The following MYO3B variants were observed in gnomAD, a reference collection of about 807,000 sequenced individuals.
The protein encoded by MYO3B is myosin IIIB, also known as myosin-IIIb.
A neutral mutation model predicts 174.6 loss-of-function variants in MYO3B; 156 were observed. The observed-to-expected ratio is 0.89, with a 90% CI of 0.78 to 1.02. The LOEUF is 1.02. MYO3B is among the 50% of genes least tolerant of loss of function. MYO3B has a pLI of 0.00. For synonymous variants in MYO3B, 563 were observed against 569.1 expected, an observed-to-expected ratio of 0.99 and a Z score of 0.15; for missense variants, 1,632 against 1,639.4, an observed-to-expected ratio of 1.00 and a Z score of 0.08.
chr2:170,486,035 T>G (rs1354988384), intron 25 of MYO3B, among the ~76,000 whole-genome samples: 1 of 144,816 alleles, frequency 6.9e-6, no homozygotes, highest in East Asian at 2.0e-4. Context: ...AAGAGAGAAT[T>G]TGCATTTCTA....
At chr2:170,365,025 G>A (rs1438500772) in intron 8 of MYO3B, among the ~76,000 whole-genome samples, 2 of 152,134 alleles carry the variant, frequency 1.3e-5, no homozygotes, top group African/African-American at 4.8e-5. Flanking sequence ...TACTCCCCCA[G>A]TTTAGTTCAA....
chr2:170,304,455 C>CTTTTTTTTTT (rs2093686589), intron 7 of MYO3B, among the ~76,000 whole-genome samples: 1 of 146,764 alleles, frequency 6.8e-6, no homozygotes, highest in African/African-American at 2.5e-5. Context: ...ATTTTTTTTT[C>CTTTTTTTTTT]TTTTTTCTTT....
chr2:170,230,928 C>T (rs2093009098), intron 6 of MYO3B, among the ~76,000 whole-genome samples: 1 of 152,132 alleles, frequency 6.6e-6, no homozygotes, highest in Non-Finnish European at 1.5e-5. Context: ...GAGAGGGTGG[C>T]AAAACCAAAA....
chr2:170,557,341 G>A (rs1387662556), intron 32 of MYO3B, among the ~76,000 whole-genome samples: 4 of 151,640 alleles, frequency 2.6e-5, no homozygotes, highest in African/African-American at 7.3e-5. Context: ...GGGTTTCACT[G>A]TGTTAGCCAG....
At chr2:170,459,948 C>T (rs35456883) in intron 23 of MYO3B, among the ~76,000 whole-genome samples, 39,496 of 151,986 alleles carry the variant, frequency 0.26, 5,445 homozygotes, top group African/African-American at 0.36. Context: ...TGCCCCCACC[C>T]GGAACTCATG....
chr2:170,451,016 C>T (rs1439255814), intron 23 of MYO3B, among the ~76,000 whole-genome samples: 5 of 152,194 alleles, frequency 3.3e-5, no homozygotes, highest in African/African-American at 1.2e-4. Flanking sequence ...TCAATTTTGT[C>T]CCTTTACTCT....
intron 22 of MYO3B, among the ~76,000 whole-genome samples, chr2:170,429,974 T>G (rs2094695525): frequency 6.6e-6 from 1 of 151,388 alleles, no homozygotes; most frequent in Non-Finnish European, 1.5e-5. Flanking sequence ...TCTTGAACAA[T>G]GTTGGTTTGA....
intron 30 of MYO3B, among the ~76,000 whole-genome samples, chr2:170,537,810 G>C (rs528552547): frequency 6.6e-6 from 1 of 152,242 alleles, no homozygotes; most frequent in East Asian, 1.9e-4. Context: ...TGGCTATGCT[G>C]ATTGCCTTTC....
At chr2:170,652,685 A>G (rs2105512114) in intron 34 of MYO3B, among the ~76,000 whole-genome samples, 1 of 152,342 alleles carries the variant, frequency 6.6e-6, no homozygotes, top group Middle Eastern at 3.4e-3. Flanking sequence ...TCTCATCTAG[A>G]GGGAACCAGA....
In MYO3B at chr2:170,653,282, C is replaced by G. The variant is rs970511890; in HGVS notation, c.*161C>G. On this transcript the variant is annotated 3_prime_UTR_variant, in exon 35 of 35. Coordinates refer to ENST00000408978, the MANE Select transcript of MYO3B (RefSeq NM_138995.5). ...ACTTGCAGATTCCAAAACATCTTAT[C>G]CTATCCTCTACCACTCTCCCACATG... The G allele has an allele frequency of 8.9e-5, 71 of 796,154 alleles. No homozygotes were observed. Among genetic ancestry groups the G allele is most frequent in the Non-Finnish European group, 1.4e-4 (68 of 498,384 alleles). 49.3% of individuals were successfully genotyped at this position (796,154 alleles called of 1,614,324 possible).
chr2:170,631,368 T>C (rs145368656), intron 32 of MYO3B, among the ~76,000 whole-genome samples: 21,289 of 147,940 alleles, frequency 0.14, 1,990 homozygotes, highest in East Asian at 0.44. Context: ...TAAAAAGAAA[T>C]GAACAAAGCC....
chr2:170,589,634 A>C, intron 32 of MYO3B, among the ~76,000 whole-genome samples: 1 of 152,224 alleles, frequency 6.6e-6, no homozygotes. Flanking sequence ...ACAGCTGCAC[A>C]ATGTGTTTAT....
Position 170,424,626 on chromosome 2 carries a change from G to A in MYO3B, c.2650+16782G>A, listed in dbSNP as rs988537487. Among the ~76,000 whole-genome samples, 4 of 152,138 alleles carry A rather than the reference G, an allele frequency of 2.6e-5. No individual in the cohort carries two copies. The East Asian group carries it at 7.7e-4, about 29-fold the overall frequency. Reference sequence around the variant, plus strand: ...TCCGCCTCAAAAAAAAAGAGAAAAAGAAAAACTAAAACAAACTTTAATAAT... The same window carrying A: ...TCCGCCTCAAAAAAAAAGAGAAAAAAAAAAACTAAAACAAACTTTAATAAT... On this transcript the variant is annotated intron_variant, in intron 22 of 34. Coordinates refer to ENST00000408978, the MANE Select transcript of MYO3B (RefSeq NM_138995.5).
chr2:170,436,011 C>T lies in MYO3B; in HGVS notation c.2651-7956C>T, dbSNP rs371146910. Among the ~76,000 whole-genome samples the T allele has an allele frequency of 2.1e-4, 32 of 152,344 alleles. 1 individual carries two copies. The highest frequency in any genetic ancestry group is 7.7e-4 in the African/African-American group (32 of 41,578). On this transcript the variant is annotated intron_variant, in intron 22 of 34. Transcript: ENST00000408978. ...AATTGCCGTCTTTTAAAAGTTCCAG[C>T]TCTGTCTTCAGACCACTTGTGTCTT...
rs191344977 is a variant in MYO3B, at chr2:170,201,261, C to T, written c.321+977C>T. Among the ~76,000 whole-genome samples, 112 of 152,326 alleles carry T rather than the reference C, an allele frequency of 7.4e-4. 2 individuals carry two copies. Among genetic ancestry groups the T allele is most frequent in the Non-Finnish European group, 1.4e-3 (92 of 68,030 alleles). On this transcript the variant is annotated intron_variant, in intron 3 of 34. Coordinates refer to ENST00000408978, the MANE Select transcript of MYO3B (RefSeq NM_138995.5). ...CAGTATATGAATTAATATATTAGGA[C>T]AGGTCTATCGCCACATTCTCACTAG...
At position 170,577,539 on chromosome 2, in the gene MYO3B, A is replaced by G. The variant is rs1396436240; in HGVS notation, c.3733+33551A>G. ...ATCTGTTTCTTCCATCTCTGGACTT[A>G]CGAATAAACTCTAGTAATTTGTGAC... is the stretch of plus-strand genomic sequence containing the variant. On this transcript the variant is annotated intron_variant, in intron 32 of 34. Coordinates refer to ENST00000408978, the MANE Select transcript of MYO3B (RefSeq NM_138995.5). 5.9e-5 allele frequency among the ~76,000 whole-genome samples: 9 copies of G among 152,230 alleles called. No individual in the cohort carries two copies. The South Asian group carries it at 1.9e-3, about 31-fold the overall frequency.
At chr2:170,602,751 T>C (rs1559151031) in intron 32 of MYO3B, among the ~76,000 whole-genome samples, 1 of 152,104 alleles carries the variant, frequency 6.6e-6, no homozygotes, top group African/African-American at 2.4e-5. Flanking sequence ...CCAGAGCCCA[T>C]GGGATAAAAG....
chr2:170,391,888 C>T (rs377555756), intron 15 of MYO3B, among the ~76,000 whole-genome samples: 17 of 152,166 alleles, frequency 1.1e-4, no homozygotes, highest in African/African-American at 3.9e-4. Flanking sequence ...GGTGTGGCGG[C>T]TCATGCCTGT....
At chr2:170,492,760 A>G (rs1686573588) in intron 25 of MYO3B, among the ~76,000 whole-genome samples, 1 of 152,114 alleles carries the variant, frequency 6.6e-6, no homozygotes, top group African/African-American at 2.4e-5. Context: ...TGGAGACCTG[A>G]TAGACTTTGT....
Sources: allele counts gnomAD v4.1 joint callset (sites outside exome capture counted in the v4.1 genomes callset), GRCh38; gene constraint gnomAD v4.1.1; transcripts MANE v1.5; gene names NCBI Gene and HGNC (gene_info 2026-07-23, HGNC 2026-07-21).